PCDH17: variants seen among roughly 807,000 people sequenced by gnomAD.
The protein encoded by PCDH17 is protocadherin-17.
Under a neutral mutation model 67.7 loss-of-function variants are expected in PCDH17, and 21 were observed. The ratio of observed to expected loss-of-function variants is 0.31; its 90% CI spans 0.22 to 0.45. PCDH17 has a LOEUF of 0.45. PCDH17 is among the 20% of genes least tolerant of loss of function. The pLI is 1.00. For synonymous variants in PCDH17, 701 were observed against 656.7 expected, an observed-to-expected ratio of 1.07 and a Z score of -1.03; for missense variants, 1,471 against 1,564.8, an observed-to-expected ratio of 0.94 and a Z score of 1.01.
chr13:57,652,207 A>G (rs548367793), intron 1 of PCDH17, among the ~76,000 whole-genome samples: 1,789 of 148,970 alleles, frequency 0.012, 20 homozygotes, highest in Non-Finnish European at 0.019. Context: ...GAACCCGGGA[A>G]GCGGAGCTTG....
intron 3 of PCDH17, among the ~76,000 whole-genome samples, chr13:57,713,213 C>G (rs924968436): frequency 2.6e-5 from 4 of 151,606 alleles, no homozygotes; most frequent in African/African-American, 9.7e-5. Context: ...AACATTAAAG[C>G]TGTTACTAGA....
chr13:57,715,245 C>G (rs898724302), intron 3 of PCDH17, among the ~76,000 whole-genome samples: 2 of 151,780 alleles, frequency 1.3e-5, no homozygotes, highest in Admixed American at 6.6e-5. Context: ...ATTCTGAAAA[C>G]TGACATTATG....
intron 1 of PCDH17, among the ~76,000 whole-genome samples, chr13:57,658,325 A>G (rs1231921328): frequency 1.3e-5 from 2 of 151,890 alleles, no homozygotes; most frequent in Admixed American, 6.6e-5. Context: ...TATATCTTCT[A>G]TTTCTCTCTT....
At chr13:57,695,379 A>G (rs890939711) in intron 3 of PCDH17, among the ~76,000 whole-genome samples, 3 of 150,934 alleles carry the variant, frequency 2.0e-5, no homozygotes, top group African/African-American at 7.3e-5. Context: ...GAGTTTTCAT[A>G]TGAAGGCACA....
rs371189468 is a variant in PCDH17 at position 57,632,726 on chromosome 13, G to T, written c.180G>T (p.Lys60Asn). 1 of 1,611,816 alleles carries T rather than the reference G, an allele frequency of 6.2e-7. No homozygotes were observed. Among genetic ancestry groups the T allele is most frequent in the Non-Finnish European group, 8.5e-7 (1 of 1,179,942 alleles). ...PAERGGGGRS[K>N]SGSYRVLENS... The stretch of plus-strand genomic sequence containing the variant: ...AGCGCGGCGGCGGAGGGCGCAGCAA[G>T]TCGGGTAGCTACCGGGTGCTGGAGA... The change falls in exon 1 of 4, where the codon AAG becomes AAT. Residue 60 changes from lysine to asparagine, a missense_variant. Lys to Asn is a moderately conservative substitution (Grantham distance 94). Transcript: ENST00000377918.
In PCDH17 at chr13:57,633,698, C is replaced by A. The variant is rs760178198; in HGVS notation, c.1152C>A (p.Asn384Lys). 1.2e-6 allele frequency: 2 copies of A among 1,603,292 alleles called. No homozygotes were observed. The highest frequency in any genetic ancestry group is 3.3e-5 in the Admixed American group (2 of 59,984). ...TCACTGACCGGGACTCTGGCAAGAA[C>A]GGACAGCTGCAGTGTCGGGTCCTAG... is the stretch of plus-strand genomic sequence containing the variant. ...VRVTDRDSGK[N>K]GQLQCRVLGG... is the part of the protein sequence containing the mutation. The change falls in exon 1 of 4, where the codon AAC (asparagine) becomes AAA (lysine). Residue 384 changes from asparagine to lysine, a missense_variant. Physicochemically the swap from Asn to Lys is moderately conservative, Grantham distance 94. Transcript: ENST00000377918. This position sits in a 1 kb window ranked among gnomAD's most constrained non-coding sequence, Gnocchi z 6.2.
Position 57,632,660 on chromosome 13 carries a change from C to A in PCDH17, c.114C>A (p.Ile38=), listed in dbSNP as rs1209585998. The A allele has an allele frequency of 6.2e-6, 10 of 1,612,450 alleles. No homozygotes were observed. Among genetic ancestry groups the A allele is most frequent in the Admixed American group, 1.7e-5 (1 of 60,028 alleles). Residue 38 remains isoleucine, a synonymous_variant, in exon 1 of 4, where the codon ATC becomes ATA. Coordinates refer to ENST00000377918, the MANE Select transcript of PCDH17 (RefSeq NM_001040429.3). Reference sequence around the variant, plus strand: ...GGGCCGGCACGGTGATCGGGAACATCGGCAGGGATGCTCGACTGCAGCCTG... The same window carrying A: ...GGGCCGGCACGGTGATCGGGAACATAGGCAGGGATGCTCGACTGCAGCCTG... The part of the protein sequence containing the change: ...EQGAGTVIGN[I]GRDARLQPGL...
At chr13:57,711,857 T>C (rs1208848672) in intron 3 of PCDH17, among the ~76,000 whole-genome samples, 1 of 151,468 alleles carries the variant, frequency 6.6e-6, no homozygotes, top group East Asian at 1.9e-4. Flanking sequence ...AGGTAATAAA[T>C]ACATCAATGA....
intron 1 of PCDH17, among the ~76,000 whole-genome samples, chr13:57,661,267 C>T (rs1016617025): frequency 6.6e-5 from 10 of 152,050 alleles, no homozygotes; most frequent in African/African-American, 2.2e-4. Flanking sequence ...TAGTAAATCT[C>T]TCTTCATGTG....
chr13:57,663,046 AT>A (rs917028534), intron 1 of PCDH17, among the ~76,000 whole-genome samples: 1 of 152,006 alleles, frequency 6.6e-6, no homozygotes, highest in South Asian at 2.1e-4. Flanking sequence ...TAAAAAAGTG[AT>A]TTTTTTGTCT....
chr13:57,701,174 G>C (rs1178025984), intron 3 of PCDH17, among the ~76,000 whole-genome samples: 3 of 151,964 alleles, frequency 2.0e-5, no homozygotes, highest in Non-Finnish European at 4.4e-5. Flanking sequence ...TTAAAATGAA[G>C]TTTAGTTTAC....
At chr13:57,672,918 C>T (rs748215391) in intron 3 of PCDH17, among the ~76,000 whole-genome samples, 2 of 152,034 alleles carry the variant, frequency 1.3e-5, no homozygotes, top group East Asian at 2.0e-4. Context: ...CTTCTGTAAC[C>T]GGGTATAGGG....
intron 1 of PCDH17, among the ~76,000 whole-genome samples, chr13:57,651,356 GTTTTT>G (rs67207232): frequency 1.1e-4 from 9 of 84,096 alleles, no homozygotes; most frequent in Admixed American, 2.9e-4. Context: ...TTTAATTGAG[GTTTTT>G]TTTTTTTTTT....
intron 1 of PCDH17, among the ~76,000 whole-genome samples, chr13:57,662,456 A>G (rs1363249344): frequency 1.3e-5 from 2 of 152,114 alleles, no homozygotes; most frequent in African/African-American, 4.8e-5. Flanking sequence ...GATCCTATAC[A>G]TTTTAAAAAA....
Position 57,633,812 on chromosome 13 carries a change from C to T in PCDH17, c.1266C>T (p.Tyr422=). The T allele has an allele frequency of 6.2e-7, 1 of 1,611,338 alleles. No homozygotes were observed. The highest frequency in any genetic ancestry group is 8.5e-7 in the Non-Finnish European group (1 of 1,179,880). The stretch of plus-strand genomic sequence containing the variant: ...TTGAGGAGAACTACGACAACTTCTA[C>T]ACGGTGGTGACTGACCGCCCGCTGG... ...FKLEENYDNF[Y]TVVTDRPLDR... The change falls in exon 1 of 4, where the codon TAC becomes TAT. Residue 422 remains tyrosine (Y), a synonymous_variant. Coordinates refer to ENST00000377918, the MANE Select transcript of PCDH17 (RefSeq NM_001040429.3). This position sits in a 1 kb window ranked among gnomAD's most constrained non-coding sequence, Gnocchi z 6.2.
In PCDH17 at chr13:57,725,243, T is replaced by A. The variant is rs148119482; in HGVS notation, c.3429T>A (p.Asp1143Glu). 1,938 of 1,612,924 alleles carry A rather than the reference T, an allele frequency of 1.2e-3. 3 individuals are homozygous for A. Among genetic ancestry groups the A allele is most frequent in the Non-Finnish European group, 1.5e-3 (1,735 of 1,179,792 alleles). Residue 1143 changes from aspartate to glutamate, a missense_variant, in exon 4 of 4, where the codon GAT becomes GAA. Physicochemically the swap from Asp to Glu is conservative, Grantham distance 45 (BLOSUM62 2). Coordinates refer to ENST00000377918, the MANE Select transcript of PCDH17 (RefSeq NM_001040429.3). Reference protein sequence around the residue: ...VDAEEVVREIDKLLQDCRGND... With the variant: ...VDAEEVVREIEKLLQDCRGND... ...CAGAGGAAGTTGTGAGAGAAATTGA[T>A]AAGCTTTTGCAAGACTGCCGGGGAA...
At position 57,713,614 on chromosome 13, in the gene PCDH17, G is replaced by T. The variant is rs950421929; in HGVS notation, c.2798-10998G>T. ...CCAAATGCCTGTATTTTATTCTAAAGTTATCTTTGGAAACTATCATTTTAA... is the reference window on the plus strand; with the variant it reads ...CCAAATGCCTGTATTTTATTCTAAATTTATCTTTGGAAACTATCATTTTAA... On this transcript the variant is annotated intron_variant, in intron 3 of 3. Coordinates refer to ENST00000377918, the MANE Select transcript of PCDH17 (RefSeq NM_001040429.3). 2.6e-5 allele frequency among the ~76,000 whole-genome samples: 4 copies of T among 151,578 alleles called. No individual in the cohort carries two copies. The Admixed American group carries it at 2.6e-4, about 10-fold the overall frequency.
chr13:57,687,551 T>TA, intron 3 of PCDH17, among the ~76,000 whole-genome samples: 1 of 152,022 alleles, frequency 6.6e-6, no homozygotes, highest in South Asian at 2.1e-4. Context: ...CTCATTTTTT[T>TA]AAAAAATCTA....
intron 3 of PCDH17, among the ~76,000 whole-genome samples, chr13:57,686,143 A>G (rs1274522667): frequency 1.3e-5 from 2 of 151,984 alleles, no homozygotes; most frequent in Non-Finnish European, 2.9e-5. Flanking sequence ...TAATTAATAA[A>G]TATTTGTTCA....
Sources: allele counts gnomAD v4.1 joint callset (sites outside exome capture counted in the v4.1 genomes callset), GRCh38; gene constraint gnomAD v4.1.1; non-coding constraint Gnocchi (gnomAD v3.1); transcripts MANE v1.5; gene names NCBI Gene and HGNC (gene_info 2026-07-23, HGNC 2026-07-21).